STARD13: variants seen among roughly 807,000 people sequenced by gnomAD.
The protein encoded by STARD13 is stAR-related lipid transfer protein 13.
A neutral mutation model predicts 106.4 loss-of-function variants in STARD13; 62 were observed. The ratio of observed to expected loss-of-function variants is 0.58; its 90% CI spans 0.48 to 0.72. The LOEUF is 0.72. Among genes scored for constraint, STARD13 ranks in the 30% least tolerant of loss-of-function variants. The pLI is 0.00. For missense variants in STARD13, 1,387 were observed against 1,424.0 expected (o/e 0.97, Z 0.42); for synonymous variants, 565 against 553.0 (o/e 1.02, Z -0.31).
chr13:33,489,554 A>T, the STARD13 span, among the ~76,000 whole-genome samples: 4 of 152,254 alleles, frequency 2.6e-5, no homozygotes, highest in African/African-American at 7.2e-5. Flanking sequence ...TCAACTAATA[A>T]AAAACAGGAT....
At chr13:33,306,746 T>A (rs564345678) in intron 1 of STARD13, among the ~76,000 whole-genome samples, 1 of 152,298 alleles carries the variant, frequency 6.6e-6, no homozygotes, top group East Asian at 1.9e-4. Flanking sequence ...GGTCAGGAGT[T>A]CGAGACCAGC....
At chr13:33,427,249 G>A in the STARD13 span, among the ~76,000 whole-genome samples, 1 of 152,056 alleles carries the variant, frequency 6.6e-6, no homozygotes, top group Non-Finnish European at 1.5e-5. Flanking sequence ...TAAGTGACAG[G>A]GACCTAGACT....
At chr13:33,322,774 T>G (rs1441641279) in intron 1 of STARD13, among the ~76,000 whole-genome samples, 1 of 152,216 alleles carries the variant, frequency 6.6e-6, no homozygotes, top group East Asian at 1.9e-4. Context: ...AAAACCTAAG[T>G]CGATATTTGC....
intron 1 of STARD13, among the ~76,000 whole-genome samples, chr13:33,343,354 T>C (rs1461145552): frequency 6.6e-6 from 1 of 151,206 alleles, no homozygotes; most frequent in East Asian, 1.9e-4. Flanking sequence ...GTGGGAACAT[T>C]GTTTGAGCCC....
chr13:33,281,160 A>G (rs1891759143), intron 1 of STARD13: 1 of 152,040 alleles, frequency 6.6e-6, no homozygotes, highest in African/African-American at 2.4e-5. Flanking sequence ...CATCCACTTC[A>G]TTGTCTCATC....
chr13:33,453,146 T>C, the STARD13 span, among the ~76,000 whole-genome samples: 1 of 152,252 alleles, frequency 6.6e-6, no homozygotes, highest in South Asian at 2.1e-4. Context: ...TAGTGCCAGC[T>C]TTCAAGATTA....
the STARD13 span, among the ~76,000 whole-genome samples, chr13:33,655,928 T>C: frequency 6.6e-6 from 1 of 151,972 alleles, no homozygotes; most frequent in Non-Finnish European, 1.5e-5. Flanking sequence ...GGGAAACATA[T>C]TAGAAGCAGA....
the STARD13 span, among the ~76,000 whole-genome samples, chr13:33,563,000 C>A: frequency 2.7e-5 from 4 of 146,272 alleles, 1 homozygote; most frequent in African/African-American, 5.1e-5. Flanking sequence ...CTTTTGGCCA[C>A]AAATGATATA....
chr13:33,417,528 C>A, the STARD13 span, among the ~76,000 whole-genome samples: 1 of 152,104 alleles, frequency 6.6e-6, no homozygotes, highest in African/African-American at 2.4e-5. Context: ...CAAATGTCCA[C>A]AAACTGATGA....
At chr13:33,220,090 T>G (rs923447515) in intron 1 of STARD13, among the ~76,000 whole-genome samples, 10 of 152,234 alleles carry the variant, frequency 6.6e-5, no homozygotes, top group Non-Finnish European at 1.0e-4. Flanking sequence ...GATGTTTTTC[T>G]GTTTTGGACA....
chr13:33,234,750 T>C (rs1164723116), intron 1 of STARD13, among the ~76,000 whole-genome samples: 1 of 152,228 alleles, frequency 6.6e-6, no homozygotes, highest in Non-Finnish European at 1.5e-5. Context: ...AATTGTTACC[T>C]GGCTCACTGG....
chr13:33,218,902 C>CA (rs773193529), intron 1 of STARD13, among the ~76,000 whole-genome samples: 30 of 152,234 alleles, frequency 2.0e-4, no homozygotes, highest in Admixed American at 5.2e-4. Context: ...TGCTGAACAA[C>CA]ACGGCACTGA....
chr13:33,251,174 T>C (rs1383784001), intron 1 of STARD13, among the ~76,000 whole-genome samples: 1 of 152,166 alleles, frequency 6.6e-6, no homozygotes, highest in Non-Finnish European at 1.5e-5. Flanking sequence ...CCTCACAGGA[T>C]TTTTGTGAGC....
intron 1 of STARD13, among the ~76,000 whole-genome samples, chr13:33,195,714 C>A (rs564001930): frequency 2.9e-4 from 44 of 152,268 alleles, no homozygotes; most frequent in Non-Finnish European, 4.0e-4. Flanking sequence ...GAAATTACCC[C>A]AAGCCCTAAG....
chr13:33,172,273 T>A (rs944321922), intron 1 of STARD13, among the ~76,000 whole-genome samples: 3 of 152,236 alleles, frequency 2.0e-5, no homozygotes, highest in African/African-American at 7.2e-5. Flanking sequence ...GAATGATGCT[T>A]ATTTTTTAAA....
the STARD13 span, among the ~76,000 whole-genome samples, chr13:33,501,968 C>G: frequency 1.3e-5 from 2 of 152,026 alleles, no homozygotes; most frequent in Admixed American, 1.3e-4. Context: ...AAATTATTAC[C>G]TTGGGCAGTA....
At chr13:33,429,422 C>T in the STARD13 span, among the ~76,000 whole-genome samples, 1 of 152,004 alleles carries the variant, frequency 6.6e-6, no homozygotes, top group Non-Finnish European at 1.5e-5. Flanking sequence ...CGGTGAAACC[C>T]CGGTTCTACT....
upstream of STARD13, among the ~76,000 whole-genome samples, chr13:33,351,957 T>C (rs1056875597): frequency 3.3e-5 from 5 of 152,240 alleles, no homozygotes; most frequent in African/African-American, 9.6e-5. Context: ...AAAATGGGAA[T>C]GACAGGGATG....
intron 1 of STARD13, among the ~76,000 whole-genome samples, chr13:33,222,953 G>A (rs565485278): frequency 6.6e-6 from 1 of 152,350 alleles, no homozygotes; most frequent in African/African-American, 2.4e-5. Flanking sequence ...CCACTGGCCT[G>A]TGAAGTGCTG....
Sources: allele counts gnomAD v4.1 joint callset (sites outside exome capture counted in the v4.1 genomes callset), GRCh38; gene constraint gnomAD v4.1.1; transcripts MANE v1.5; gene names NCBI Gene and HGNC (gene_info 2026-07-23, HGNC 2026-07-21).